Variants in CGNL1 observed in about 807,000 individuals in gnomAD.
CGNL1 encodes cingulin-like protein 1.
A neutral mutation model predicts 141.2 loss-of-function variants in CGNL1; 132 were observed. That is an observed-to-expected ratio of 0.93 (90% confidence interval 0.81 to 1.08). The LOEUF is 1.08. Among genes scored for constraint, CGNL1 ranks in the 50% least tolerant of loss-of-function variants. The pLI is 0.00. For synonymous variants in CGNL1, 690 were observed against 622.1 expected, an observed-to-expected ratio of 1.11 and a Z score of -1.63; for missense variants, 1,870 against 1,588.6, an observed-to-expected ratio of 1.18 and a Z score of -3.01.
chr15:57,463,125 G>A (rs1446065228), intron 8 of CGNL1, among the ~76,000 whole-genome samples: 1 of 152,098 alleles, frequency 6.6e-6, no homozygotes, highest in African/African-American at 2.4e-5. Flanking sequence ...GACTTAATGT[G>A]GTGTATTCTG....
chr15:57,384,010 G>T (rs1040040973), intron 1 of CGNL1, among the ~76,000 whole-genome samples: 6 of 137,332 alleles, frequency 4.4e-5, no homozygotes, highest in African/African-American at 1.3e-4. Context: ...GTTGTGGCCA[G>T]ACTAGCTCAG....
chr15:57,488,850 A>G (rs992595077), intron 8 of CGNL1, among the ~76,000 whole-genome samples: 11 of 152,344 alleles, frequency 7.2e-5, no homozygotes, highest in South Asian at 4.1e-4. Flanking sequence ...CGGGCTGTCA[A>G]TGTAATCTAC....
chr15:57,457,185 G>A (rs934044500), intron 7 of CGNL1, among the ~76,000 whole-genome samples: 1 of 152,180 alleles, frequency 6.6e-6, no homozygotes, highest in Admixed American at 6.5e-5. Context: ...AAGCACTTAT[G>A]CAAAAGAGGG....
At chr15:57,442,152 CCAAATTGAGTGGTAA>C (rs1256053281) in intron 3 of CGNL1, among the ~76,000 whole-genome samples, 1 of 131,628 alleles carries the variant, frequency 7.6e-6, no homozygotes, top group African/African-American at 2.9e-5. Context: ...GAACCCTGTC[CCAAATTGAGTGGTAA>C]CACATCATTT....
chr15:57,409,468 G>T (rs1160321892), intron 1 of CGNL1, among the ~76,000 whole-genome samples: 1 of 152,218 alleles, frequency 6.6e-6, no homozygotes, highest in Admixed American at 6.5e-5. Flanking sequence ...AGGAAAACAA[G>T]CCTGAAGACT....
At chr15:57,527,484 C>G (rs1417656817) in intron 12 of CGNL1, 2 of 152,232 alleles carry the variant, frequency 1.3e-5, no homozygotes, top group Non-Finnish European at 2.9e-5. Context: ...GTACCAACTC[C>G]AAGAGGGTAG....
At chr15:57,442,532 C>A in intron 4 of CGNL1, 54 bp downstream of exon 4, 1 of 1,109,096 alleles carries the variant, frequency 9.0e-7, no homozygotes, top group Non-Finnish European at 1.4e-6. Flanking sequence ...ATGTGGTAAA[C>A]AACTTGCTGT....
At chr15:57,506,210 C>T (rs1315635148) in intron 8 of CGNL1, among the ~76,000 whole-genome samples, 2 of 152,224 alleles carry the variant, frequency 1.3e-5, no homozygotes, top group African/African-American at 2.4e-5. Flanking sequence ...CCAATATTTT[C>T]CTAGTGACGC....
At chr15:57,532,260 A>T (rs371567567) in intron 14 of CGNL1, among the ~76,000 whole-genome samples, 3 of 152,328 alleles carry the variant, frequency 2.0e-5, no homozygotes, top group African/African-American at 7.2e-5. Flanking sequence ...CAAATTAATT[A>T]TCTTTGAAAC....
chr15:57,522,661 C>G (rs1480374495), intron 10 of CGNL1, among the ~76,000 whole-genome samples: 1 of 152,144 alleles, frequency 6.6e-6, no homozygotes, highest in African/African-American at 2.4e-5. Context: ...CCATAACTTT[C>G]CTATAATATT....
chr15:57,429,932 G>A (rs1289247665), intron 1 of CGNL1, among the ~76,000 whole-genome samples: 4 of 152,014 alleles, frequency 2.6e-5, no homozygotes, highest in Non-Finnish European at 5.9e-5. Context: ...TATCTCAGCC[G>A]CCTGAGTAGC....
At chr15:57,544,445 C>A (rs202123683) in intron 15 of CGNL1, 28 bp from the exon 16 acceptor site, 14 of 1,613,722 alleles carry the variant, frequency 8.7e-6, no homozygotes, top group Non-Finnish European at 1.2e-5. Flanking sequence ...GACACATAGC[C>A]CCTCACAGTC....
chr15:57,538,473 TG>T (rs202186198), intron 14 of CGNL1, among the ~76,000 whole-genome samples: 3 of 147,370 alleles, frequency 2.0e-5, no homozygotes, highest in East Asian at 2.2e-4. Flanking sequence ...TTCCTTTTTT[TG>T]CCCCCCTTTG....
chr15:57,489,495 G>A (rs1183993251), intron 8 of CGNL1, among the ~76,000 whole-genome samples: 1 of 152,144 alleles, frequency 6.6e-6, no homozygotes, highest in Non-Finnish European at 1.5e-5. Context: ...ATAGAAAATA[G>A]ACATGCAGAT....
intron 1 of CGNL1, among the ~76,000 whole-genome samples, chr15:57,423,782 G>A (rs73417994): frequency 0.1 from 15,718 of 152,128 alleles, 891 homozygotes; most frequent in Middle Eastern, 0.21. Flanking sequence ...TCTTCTTAGT[G>A]TTGGCCTGCT....
chr15:57,524,547 C>G, intron 11 of CGNL1, 34 bp from the exon 12 acceptor site: 1 of 1,591,310 alleles, frequency 6.3e-7, no homozygotes, highest in Admixed American at 1.7e-5. Context: ...CAGAGCATCC[C>G]AGGGTGGGCT....
chr15:57,436,108 G>A lies in CGNL1; in HGVS notation c.-15-1877G>A, dbSNP rs565477074. Among the ~76,000 whole-genome samples the A allele has an allele frequency of 2.6e-5, 4 of 152,254 alleles. No individual in the cohort carries two copies. The South Asian group carries it at 6.2e-4, about 24-fold the overall frequency. On this transcript the variant is annotated intron_variant, in intron 1 of 18. Transcript: ENST00000281282. ...CAAAACCCCAAAGAGAAACTATCTA[G>A]AAAATAGTAATAGAAACATTACTGT...
intron 4 of CGNL1, among the ~76,000 whole-genome samples, chr15:57,451,038 CTTACAA>C (rs1219526462): frequency 6.6e-6 from 1 of 152,090 alleles, no homozygotes; most frequent in Non-Finnish European, 1.5e-5. Flanking sequence ...ACTGTCTTTA[CTTACAA>C]AAAGATTTTG....
intron 1 of CGNL1, among the ~76,000 whole-genome samples, chr15:57,423,021 A>C (rs530297985): frequency 6.6e-6 from 1 of 152,102 alleles, no homozygotes. Context: ...ATGAATGGCT[A>C]TGGGGGTTCT....
Sources: allele counts gnomAD v4.1 joint callset (sites outside exome capture counted in the v4.1 genomes callset), GRCh38; gene constraint gnomAD v4.1.1; transcripts MANE v1.5; gene names NCBI Gene and HGNC (gene_info 2026-07-23, HGNC 2026-07-21).